The following PPP2R5C variants were observed in gnomAD, a reference collection of about 807,000 sequenced individuals.
The protein encoded by PPP2R5C is protein phosphatase 2 regulatory subunit B'gamma.
Under a neutral mutation model 68.9 loss-of-function variants are expected in PPP2R5C, and 7 were observed. That is an observed-to-expected ratio of 0.10 (90% CI 0.06 to 0.19). The LOEUF (loss-of-function observed/expected upper bound fraction) is 0.19, where lower values mean the gene tolerates loss of function less well. Ranked by LOEUF, PPP2R5C falls within the 10% of genes least tolerant of loss-of-function variation. The probability of loss-of-function intolerance (pLI) is 1.00; values close to 1 mark genes in which losing one functional copy is unlikely to be tolerated. For missense variants in PPP2R5C, 348 were observed against 641.3 expected (o/e 0.54, Z 4.94); for synonymous variants, 210 against 222.2 (o/e 0.95, Z 0.49).
upstream of PPP2R5C, among the ~76,000 whole-genome samples, chr14:101,761,384 G>T (rs906177521): frequency 6.6e-6 from 1 of 151,890 alleles, no homozygotes. Context: ...CCCCTGAGTC[G>T]GCTCAGCTCT....
intron 1 of PPP2R5C, chr14:101,820,458 T>C (rs2039985324): frequency 6.6e-6 from 1 of 152,208 alleles, no homozygotes; most frequent in East Asian, 1.9e-4. Flanking sequence ...GCCACCAAAG[T>C]GTAAGACACA....
intron 2 of PPP2R5C, among the ~76,000 whole-genome samples, chr14:101,773,841 A>G (rs2037276793): frequency 6.6e-6 from 1 of 152,206 alleles, no homozygotes; most frequent in Non-Finnish European, 1.5e-5. Flanking sequence ...ATACAGGTGC[A>G]CACCACCATG....
intron 1 of PPP2R5C, chr14:101,836,679 T>C: frequency 3.0e-6 from 1 of 330,980 alleles, no homozygotes; most frequent in Non-Finnish European, 5.5e-6. Context: ...AAGTAACAAA[T>C]TAAACACACA....
chr14:101,761,853 G>A, upstream of PPP2R5C: 2 of 1,064,328 alleles, frequency 1.9e-6, no homozygotes, highest in Non-Finnish European at 2.3e-6. Context: ...GGGGGCAGGC[G>A]GCGGCAGGGG....
chr14:101,788,720 C>T (rs562973448), intron 3 of PPP2R5C, among the ~76,000 whole-genome samples: 2 of 152,298 alleles, frequency 1.3e-5, no homozygotes, highest in South Asian at 4.1e-4. Flanking sequence ...TCTCTCTTGG[C>T]TGTTCTAAAA....
chr14:101,927,244 C>G (rs1197256686), exon 14 of PPP2R5C: 2 of 152,224 alleles, frequency 1.3e-5, no homozygotes, highest in African/African-American at 4.8e-5. Flanking sequence ...GTGTAAAGCT[C>G]AGTGTGTAAG....
In PPP2R5C at chr14:101,926,718, G is replaced by A. The variant is rs1040538822; in HGVS notation, c.*1446G>A. ...ATTTTAGGATCTGTTTTTTCATCGAGGTCTCGGGTATCCTTTCAAAGATAG... is the reference window on the plus strand; with the variant it reads ...ATTTTAGGATCTGTTTTTTCATCGAAGTCTCGGGTATCCTTTCAAAGATAG... On this transcript the variant is annotated 3_prime_UTR_variant, in exon 14 of 14. Coordinates refer to ENST00000334743, the Ensembl canonical transcript of PPP2R5C. The A allele has an allele frequency of 2.6e-5, 4 of 152,206 alleles. No homozygotes were observed. Among genetic ancestry groups the A allele is most frequent in the Middle Eastern group, 3.2e-3 (1 of 316 alleles). The allele number at this position is 152,206 out of a possible 1,614,324, so 9.4% of individuals were successfully genotyped here.
At position 101,773,194 on chromosome 14, in the gene PPP2R5C, G is replaced by A. The variant is rs371202145; in HGVS notation, c.93+10224G>A. 9.2e-5 allele frequency among the ~76,000 whole-genome samples: 14 copies of A among 152,318 alleles called. No individual in the cohort carries two copies. The East Asian group carries it at 2.3e-3, about 25-fold the overall frequency. Reference sequence around the variant, plus strand: ...CCTCCAGTGAGGGCACAGAAGTGGAGTGTGGAGCTGCAGGTGTTTTCTGCG... The same window carrying A: ...CCTCCAGTGAGGGCACAGAAGTGGAATGTGGAGCTGCAGGTGTTTTCTGCG... On this transcript the variant is annotated intron_variant, in intron 2 of 14. Transcript: ENST00000328724.
In PPP2R5C at chr14:101,890,228, T is replaced by C; in HGVS notation, c.630-9T>C. 1 of 1,610,764 alleles carries C rather than the reference T, an allele frequency of 6.2e-7. No homozygotes were observed. Among genetic ancestry groups the C allele is most frequent in the Non-Finnish European group, 8.5e-7 (1 of 1,177,428 alleles). On this transcript the variant is annotated splice_polypyrimidine_tract_variant and intron_variant, in intron 5 of 13. Coordinates refer to ENST00000334743, the Ensembl canonical transcript of PPP2R5C. The stretch of plus-strand genomic sequence containing the variant: ...TGTCTAATTCTAATGGGAAAATTGT[T>C]TTTTCTAGGTTTATTTATGAAACAG...
At chr14:101,863,213 C>G (rs939790756) in intron 2 of PPP2R5C, among the ~76,000 whole-genome samples, 10 of 151,856 alleles carry the variant, frequency 6.6e-5, no homozygotes, top group African/African-American at 1.9e-4. Context: ...GGGTCTGAGG[C>G]AGGAGAATCG....
intron 1 of PPP2R5C, among the ~76,000 whole-genome samples, chr14:101,850,576 A>G (rs1189107948): frequency 1.3e-5 from 2 of 152,196 alleles, no homozygotes; most frequent in African/African-American, 4.8e-5. Context: ...TATGGGAAAT[A>G]TAAAGGGCCA....
intron 2 of PPP2R5C, among the ~76,000 whole-genome samples, chr14:101,880,801 G>A (rs1259406167): frequency 6.6e-6 from 1 of 151,884 alleles, no homozygotes; most frequent in African/African-American, 2.4e-5. Context: ...TCTTTAAGAG[G>A]AAAAAAGAAA....
chr14:101,772,917 C>T (rs1472526603), intron 2 of PPP2R5C, among the ~76,000 whole-genome samples: 1 of 152,196 alleles, frequency 6.6e-6, no homozygotes, highest in South Asian at 2.1e-4. Context: ...ATGAATGGGG[C>T]CACTGTCCAG....
chr14:101,904,650 C>G (rs1230362470), intron 9 of PPP2R5C, among the ~76,000 whole-genome samples: 1 of 152,188 alleles, frequency 6.6e-6, no homozygotes, highest in Non-Finnish European at 1.5e-5. Flanking sequence ...GATTCCTGAG[C>G]CTGGCACAGG....
intron 9 of PPP2R5C, among the ~76,000 whole-genome samples, chr14:101,904,394 C>T (rs1045902518): frequency 6.6e-6 from 1 of 152,190 alleles, no homozygotes; most frequent in Non-Finnish European, 1.5e-5. Flanking sequence ...AAGTGATCCA[C>T]CTGCCTCGGC....
rs2047041989 is a variant in PPP2R5C, at chr14:101,922,167, T to G, written c.1444-2974T>G. ...CCCTTTTGTCCATGTCATTCCAGAT[T>G]GTGATGGTCAAAACAAAGAAAGAAA... On this transcript the variant is annotated intron_variant, in intron 13 of 13. Coordinates refer to ENST00000334743, the Ensembl canonical transcript of PPP2R5C. 3.0e-6 allele frequency: 3 copies of G among 985,238 alleles called. No individual in the cohort carries two copies. In the African/African-American group the frequency reaches 5.2e-5, roughly 17 times the overall value. 61.0% of individuals were successfully genotyped at this position (985,238 alleles called of 1,614,324 possible).
At chr14:101,857,796 G>A (rs1056130620) in intron 2 of PPP2R5C, among the ~76,000 whole-genome samples, 1 of 152,134 alleles carries the variant, frequency 6.6e-6, no homozygotes, top group Non-Finnish European at 1.5e-5. Context: ...GTGGCTTAGT[G>A]TAAAATGTTA....
intron 2 of PPP2R5C, among the ~76,000 whole-genome samples, chr14:101,769,124 C>T (rs1324130539): frequency 3.3e-5 from 5 of 152,188 alleles, no homozygotes; most frequent in Admixed American, 3.3e-4. Flanking sequence ...GTGCCCAGCC[C>T]CTTTCATCTT....
chr14:101,890,892 C>T (rs917801907), intron 6 of PPP2R5C, among the ~76,000 whole-genome samples: 4 of 151,280 alleles, frequency 2.6e-5, no homozygotes, highest in Non-Finnish European at 5.9e-5. Context: ...GCTGCCTCAG[C>T]CTCCCGAGTA....
Sources: allele counts gnomAD v4.1 joint callset (sites outside exome capture counted in the v4.1 genomes callset), GRCh38; gene constraint gnomAD v4.1.1; transcripts MANE v1.5; gene names NCBI Gene and HGNC (gene_info 2026-07-23, HGNC 2026-07-21).